The following RBFOX3 variants were observed in gnomAD, a reference collection of about 807,000 sequenced individuals.
RBFOX3 encodes the protein RNA binding fox-1 homolog 3, also known as RNA binding protein fox-1 homolog 3.
Under a neutral mutation model 48.7 loss-of-function variants are expected in RBFOX3, and 17 were observed. The observed-to-expected ratio is 0.35, with a 90% CI of 0.24 to 0.52. The LOEUF (loss-of-function observed/expected upper bound fraction) is 0.52, where lower values mean the gene tolerates loss of function less well. Ranked by LOEUF, RBFOX3 falls within the 20% of genes least tolerant of loss-of-function variation. The pLI, the probability that RBFOX3 is intolerant of heterozygous loss-of-function variation, is 0.94. For synonymous variants in RBFOX3, 212 were observed against 209.5 expected, an observed-to-expected ratio of 1.01 and a Z score of -0.10; for missense variants, 382 against 497.5, an observed-to-expected ratio of 0.77 and a Z score of 2.21.
intron 3 of RBFOX3, among the ~76,000 whole-genome samples, chr17:79,267,714 G>T (rs1476583964): frequency 6.6e-6 from 1 of 152,166 alleles, no homozygotes; most frequent in African/African-American, 2.4e-5. Context: ...TATGGAGGAA[G>T]ATGCCAGAGC....
At chr17:79,585,651 GC>G (rs1396401576) in intron 1 of RBFOX3, among the ~76,000 whole-genome samples, 1 of 152,266 alleles carries the variant, frequency 6.6e-6, no homozygotes, top group East Asian at 1.9e-4. Flanking sequence ...GCATGAGCTG[GC>G]ACTTGGGTAT....
intron 2 of RBFOX3, among the ~76,000 whole-genome samples, chr17:79,426,720 T>C (rs1555725757): frequency 1.3e-5 from 2 of 152,144 alleles, no homozygotes. Context: ...TTTTTTTGCT[T>C]TGAGACAGAA....
At chr17:79,374,130 G>A (rs1448649995) in intron 2 of RBFOX3, among the ~76,000 whole-genome samples, 1 of 152,170 alleles carries the variant, frequency 6.6e-6, no homozygotes, top group Non-Finnish European at 1.5e-5. Flanking sequence ...CCCAAAGTGC[G>A]GCGATTACAG....
At chr17:79,288,588 C>T (rs538888228) in intron 3 of RBFOX3, among the ~76,000 whole-genome samples, 37 of 152,232 alleles carry the variant, frequency 2.4e-4, no homozygotes, top group African/African-American at 8.7e-4. Context: ...TCTCTCCCCA[C>T]CTCCTGCATG....
chr17:79,217,411 G>A (rs977482484), intron 4 of RBFOX3, among the ~76,000 whole-genome samples: 1 of 152,186 alleles, frequency 6.6e-6, no homozygotes, highest in African/African-American at 2.4e-5. Context: ...CCTGCATCTC[G>A]GAACAGACTC....
intron 4 of RBFOX3, among the ~76,000 whole-genome samples, chr17:79,177,563 C>T (rs1001515296): frequency 1.4e-4 from 21 of 152,184 alleles, no homozygotes; most frequent in Admixed American, 7.2e-4. Flanking sequence ...TGGCCCATAC[C>T]GGTTGGAGAG....
intron 2 of RBFOX3, among the ~76,000 whole-genome samples, chr17:79,328,813 C>A (rs9894131): frequency 0.13 from 19,194 of 152,162 alleles, 1,336 homozygotes; most frequent in Non-Finnish European, 0.16. Flanking sequence ...AAATTAAATT[C>A]TTGGCTTGGA....
intron 1 of RBFOX3, among the ~76,000 whole-genome samples, chr17:79,559,307 TG>T (rs2092009917): frequency 6.7e-6 from 1 of 149,546 alleles, no homozygotes; most frequent in African/African-American, 2.5e-5. Context: ...GAGTGGGTGG[TG>T]GATGGTAGAT....
chr17:79,228,509 A>C (rs1195143020), intron 4 of RBFOX3, among the ~76,000 whole-genome samples: 1 of 152,146 alleles, frequency 6.6e-6, no homozygotes, highest in Admixed American at 6.5e-5. Flanking sequence ...CCCATCTCAA[A>C]TGTTTAATGT....
chr17:79,481,192 T>C lies in RBFOX3; in HGVS notation c.-175+1262A>G, dbSNP rs2078727009. Among the ~76,000 whole-genome samples, 1 of 152,200 alleles carries C rather than the reference T, an allele frequency of 6.6e-6. No homozygotes were observed. Among genetic ancestry groups the C allele is most frequent in the Non-Finnish European group, 1.5e-5 (1 of 68,032 alleles). ...GGAGAGACCAGCCTGTGTCCGGGCC[T>C]CTGGTCTCTTTGTCCAGGGTTCTCG... On this transcript the variant is annotated intron_variant, in intron 2 of 14. Coordinates refer to ENST00000693108, the MANE Select transcript of RBFOX3 (RefSeq NM_001350451.2). This position sits in a 1 kb window ranked among gnomAD's most constrained non-coding sequence, Gnocchi z 5.4.
At chr17:79,499,745 C>T (rs907094974) in intron 1 of RBFOX3, among the ~76,000 whole-genome samples, 4 of 152,166 alleles carry the variant, frequency 2.6e-5, no homozygotes, top group African/African-American at 7.2e-5. Flanking sequence ...CAGATGAGAC[C>T]GTGTATCCAG....
rs937983535 is a variant in RBFOX3 at position 79,603,081 on chromosome 17, C to T, written c.-320+7745G>A. Among the ~76,000 whole-genome samples the T allele has an allele frequency of 2.0e-5, 3 of 151,770 alleles. No homozygotes were observed. In the South Asian group the frequency reaches 6.2e-4, roughly 32 times the overall value. On this transcript the variant is annotated intron_variant, in intron 1 of 14. Transcript: ENST00000693108. ...TCTTGGCTCACTGCAACCTCCACCT[C>T]CCAGGTTCAAGTGATTCTCCTGCCT...
rs1338769823 is a variant in RBFOX3, at chr17:79,528,658, G to A, written c.-319-46060C>T. On this transcript the variant is annotated intron_variant, in intron 1 of 14. Transcript: ENST00000693108. ...ACTGGTGTTGTCCCAAGGAGAGGAG[G>A]GGATGCAGAGACACATGTATCGGGG... Among the ~76,000 whole-genome samples the A allele has an allele frequency of 2.6e-5, 4 of 152,060 alleles. No homozygotes were observed. The East Asian group carries it at 7.8e-4, about 30-fold the overall frequency.
chr17:79,243,381 C>T lies in RBFOX3; in HGVS notation c.-73-7576G>A, dbSNP rs1050718465. Among the ~76,000 whole-genome samples the T allele has an allele frequency of 3.9e-5, 6 of 152,172 alleles. No homozygotes were observed. Among genetic ancestry groups the T allele is most frequent in the African/African-American group, 1.4e-4 (6 of 41,438 alleles). ...GTCTAACTCCAACCTGCCTCCCACC[C>T]CAGCACTTGTGCAGCCTCAACGCCC... is the stretch of plus-strand genomic sequence containing the variant. On this transcript the variant is annotated intron_variant, in intron 3 of 14. Transcript: ENST00000693108. The surrounding 1 kb of genome is among the most constrained non-coding windows in gnomAD (Gnocchi z 7.9).
At chr17:79,489,607 T>C (rs2080190282) in intron 1 of RBFOX3, among the ~76,000 whole-genome samples, 1 of 152,218 alleles carries the variant, frequency 6.6e-6, no homozygotes, top group African/African-American at 2.4e-5. Context: ...ACATTCATTT[T>C]TTTAAAACCA....
At chr17:79,237,488 G>A (rs922206179) in intron 3 of RBFOX3, among the ~76,000 whole-genome samples, 9 of 152,220 alleles carry the variant, frequency 5.9e-5, no homozygotes, top group African/African-American at 2.2e-4. Context: ...GTCCCCCAGA[G>A]CAGGTTACCC....
chr17:79,535,503 A>AGGCCT lies in RBFOX3; in HGVS notation c.-319-52906_-319-52905insAGGCC, dbSNP rs1555788494. ...TTTACTCTCCCCTGTTACCCAAGTGAGTCACCCCAAACGAATGAGGCCCTC... is the reference window on the plus strand; with the variant it reads ...TTTACTCTCCCCTGTTACCCAAGTGAGGCCTGTCACCCCAAACGAATGAGGCCCTC... On this transcript the variant is annotated intron_variant, in intron 1 of 14. Coordinates refer to ENST00000693108, the MANE Select transcript of RBFOX3 (RefSeq NM_001350451.2). This position sits in a 1 kb window ranked among gnomAD's most constrained non-coding sequence, Gnocchi z 4.5. Among the ~76,000 whole-genome samples, 2 of 152,102 alleles carry AGGCCT rather than the reference A, an allele frequency of 1.3e-5. No homozygotes were observed. Among genetic ancestry groups the AGGCCT allele is most frequent in the African/African-American group, 4.8e-5 (2 of 41,428 alleles).
In RBFOX3 at chr17:79,249,163, A is replaced by G. The variant is rs2063582290; in HGVS notation, c.-73-13358T>C. On this transcript the variant is annotated intron_variant, in intron 3 of 14. Transcript: ENST00000693108. The surrounding 1 kb of genome is among the most constrained non-coding windows in gnomAD (Gnocchi z 4.1). ...GCCCTGCAAAACCATCTCTGGAACC[A>G]CCCTGAAGCTAGGGACTCGGCTCAG... 6.6e-6 allele frequency among the ~76,000 whole-genome samples: 1 copy of G among 152,014 alleles called. No homozygotes were observed. The highest frequency in any genetic ancestry group is 1.5e-5 in the Non-Finnish European group (1 of 68,004).
chr17:79,621,290 C>G, the RBFOX3 span, among the ~76,000 whole-genome samples: 2 of 152,178 alleles, frequency 1.3e-5, no homozygotes, highest in African/African-American at 4.8e-5. Context: ...TGAGCCACCA[C>G]GCCCAGCCTG....
Sources: gnomAD v4.1 joint callset for allele counts (sites outside exome capture counted in the v4.1 genomes callset) on GRCh38, gnomAD v4.1.1 for gene constraint, Gnocchi (gnomAD v3.1) non-coding constraint, MANE v1.5 for transcripts, NCBI Gene and HGNC (gene_info 2026-07-23, HGNC 2026-07-21) for gene names.